The following PPARGC1B variants were observed in gnomAD, a reference collection of about 807,000 sequenced individuals.
PPARGC1B encodes peroxisome proliferator-activated receptor gamma coactivator 1-beta.
In PPARGC1B, 34 loss-of-function variants were observed where a neutral mutation model predicts 101.6. The observed-to-expected ratio is 0.33, with a 90% CI of 0.25 to 0.45. The LOEUF is 0.45. PPARGC1B is among the 20% of genes least tolerant of loss of function. The probability of loss-of-function intolerance (pLI) is 1.00; values close to 1 mark genes in which losing one functional copy is unlikely to be tolerated. For missense variants in PPARGC1B, 1,234 were observed against 1,317.6 expected, an observed-to-expected ratio of 0.94 and a Z score of 0.98; for synonymous variants, 548 against 539.3, an observed-to-expected ratio of 1.02 and a Z score of -0.22.
chr5:149,820,659 C>A, intron 2 of PPARGC1B, 53 bp downstream of exon 2: 2 of 1,545,172 alleles, frequency 1.3e-6, no homozygotes, highest in East Asian at 2.3e-5. Flanking sequence ...TCTCTCTCCT[C>A]AAAATCCCGG....
At chr5:149,824,614 G>T (rs560766420) in intron 2 of PPARGC1B, among the ~76,000 whole-genome samples, 2 of 152,172 alleles carry the variant, frequency 1.3e-5, no homozygotes, top group African/African-American at 2.4e-5. Flanking sequence ...AAGAGTGGTC[G>T]CTGAGGCCCA....
At chr5:149,830,142 C>T (rs772108993) in intron 3 of PPARGC1B, among the ~76,000 whole-genome samples, 2 of 150,600 alleles carry the variant, frequency 1.3e-5, no homozygotes, top group African/African-American at 4.9e-5. Flanking sequence ...ATAGGTTCAC[C>T]GAAAAGTAGT....
chr5:149,731,016 C>T (rs1754442005), intron 1 of PPARGC1B, among the ~76,000 whole-genome samples: 1 of 152,242 alleles, frequency 6.6e-6, no homozygotes, highest in South Asian at 2.1e-4. Context: ...CAGCGTCTTC[C>T]TGGTTTCGCT....
intron 1 of PPARGC1B, among the ~76,000 whole-genome samples, chr5:149,751,479 G>A (rs1278502592): frequency 1.3e-5 from 2 of 152,174 alleles, no homozygotes; most frequent in African/African-American, 4.8e-5. Flanking sequence ...GCCAAGGCGG[G>A]CGGATCACCT....
At chr5:149,738,346 T>C (rs913408237) in intron 1 of PPARGC1B, among the ~76,000 whole-genome samples, 3 of 152,234 alleles carry the variant, frequency 2.0e-5, no homozygotes, top group African/African-American at 7.2e-5. Flanking sequence ...CCACAGTGAA[T>C]AGATCCGTGC....
rs529048825 is a variant in PPARGC1B at position 149,770,583 on chromosome 5, G to A, written c.78+40163G>A. Among the ~76,000 whole-genome samples the A allele has an allele frequency of 1.3e-4, 20 of 152,220 alleles. 1 individual carries two copies. The South Asian group carries it at 4.2e-3, about 32-fold the overall frequency. ...TAGTAGGACCTTCCTTTTCTCCCAA[G>A]GGTTGTGATAAGAATAAAATCAGGA... On this transcript the variant is annotated intron_variant, in intron 1 of 11. Transcript: ENST00000309241.
chr5:149,852,003 G>C lies in PPARGC1B; in HGVS notation c.*4445G>C, dbSNP rs1482048873. The stretch of plus-strand genomic sequence containing the variant: ...AGTGATCTTCTAGAGACTGGGACAG[G>C]GAGTTTGGGAATGGGGCTGCTGTCA... On this transcript the variant is annotated 3_prime_UTR_variant, in exon 12 of 12. Coordinates refer to ENST00000309241, the MANE Select transcript of PPARGC1B (RefSeq NM_133263.4). The C allele has an allele frequency of 1.3e-5, 2 of 152,330 alleles. No individual in the cohort carries two copies. The highest frequency in any genetic ancestry group is 2.9e-5 in the Non-Finnish European group (2 of 68,116). The allele number at this position is 152,330 out of a possible 1,614,324, so 9.4% of individuals were successfully genotyped here.
chr5:149,737,747 G>T (rs557489689), intron 1 of PPARGC1B, among the ~76,000 whole-genome samples: 1 of 152,148 alleles, frequency 6.6e-6, no homozygotes, highest in Non-Finnish European at 1.5e-5. Flanking sequence ...TAATCCCAGC[G>T]CTTTGGGAGG....
At chr5:149,751,709 GAA>G (rs571988950) in intron 1 of PPARGC1B, among the ~76,000 whole-genome samples, 14 of 107,866 alleles carry the variant, frequency 1.3e-4, no homozygotes, top group African/African-American at 3.6e-4. Flanking sequence ...CTGTCCAAAA[GAA>G]AAAAAAAAAA....
intron 1 of PPARGC1B, among the ~76,000 whole-genome samples, chr5:149,784,728 C>T (rs997867685): frequency 1.6e-4 from 25 of 152,034 alleles, no homozygotes; most frequent in African/African-American, 4.8e-5. Flanking sequence ...CCACCACGCC[C>T]GGCTAATTTT....
In PPARGC1B at chr5:149,836,677, G is replaced by A; in HGVS notation, c.2222G>A (p.Arg741Lys). The change falls in exon 8 of 12, where the codon AGA becomes AAA. Residue 741 changes from arginine to lysine, a missense_variant. By Grantham distance (26) the Arg-to-Lys change is conservative. Transcript: ENST00000309241. ...EAQAPGREED[R>K]SCDAGAPPKD... ...CAGGCCCCTGGCAGGGAGGAAGACA[G>A]AAGCTGTGATGCTGGCGCCCCACCC... 1 of 1,613,798 alleles carries A rather than the reference G, an allele frequency of 6.2e-7. No homozygotes were observed. The highest frequency in any genetic ancestry group is 8.5e-7 in the Non-Finnish European group (1 of 1,180,018).
intron 1 of PPARGC1B, among the ~76,000 whole-genome samples, chr5:149,790,116 G>T (rs888110904): frequency 1.3e-5 from 2 of 152,178 alleles, no homozygotes. Context: ...TGCCTACTGT[G>T]TAGGATTATT....
chr5:149,785,934 T>G (rs6878832), intron 1 of PPARGC1B, among the ~76,000 whole-genome samples: 30,904 of 148,944 alleles, frequency 0.21, 3,174 homozygotes, highest in East Asian at 0.35. Context: ...TTTTTTTTCT[T>G]TTTTTGAGAC....
chr5:149,766,891 T>C (rs779955694), intron 1 of PPARGC1B, among the ~76,000 whole-genome samples: 11 of 152,190 alleles, frequency 7.2e-5, no homozygotes, highest in Non-Finnish European at 1.0e-4. Context: ...CTGCTTGCAC[T>C]TTGAGAACCT....
intron 1 of PPARGC1B, among the ~76,000 whole-genome samples, chr5:149,736,367 CTTT>C (rs78624741): frequency 7.0e-6 from 1 of 143,092 alleles, no homozygotes; most frequent in Non-Finnish European, 1.5e-5. Context: ...TGCATGCAAT[CTTT>C]TTTTTTTTTT....
rs1759145915 is a variant in PPARGC1B at position 149,837,356 on chromosome 5, T to C, written c.2618+283T>C. On this transcript the variant is annotated intron_variant, in intron 8 of 11. Coordinates refer to ENST00000309241, the MANE Select transcript of PPARGC1B (RefSeq NM_133263.4). The surrounding 1 kb of genome is among the most constrained non-coding windows in gnomAD (Gnocchi z 4.2). ...AACCCACTCCTGGCTATTTGTGGGC[T>C]TACGTCTATAAAGGAACTTGTCCCT... is the stretch of plus-strand genomic sequence containing the variant. 6.6e-6 allele frequency among the ~76,000 whole-genome samples: 1 copy of C among 152,240 alleles called. No homozygotes were observed. Among genetic ancestry groups the C allele is most frequent in the Admixed American group, 6.5e-5 (1 of 15,282 alleles).
Position 149,837,165 on chromosome 5 carries a change from A to C in PPARGC1B, c.2618+92A>C. The C allele has an allele frequency of 6.6e-7, 1 of 1,504,356 alleles. No homozygotes were observed. The allele number at this position is 1,504,356 out of a possible 1,614,324, so 93.2% of individuals were successfully genotyped here. A position where few individuals can be genotyped will look rare whatever the true frequency, so the allele number is the denominator to read the frequency against. ...GCCCCAGGAGGGAGGATCCCTGGGA[A>C]GCTTGCTCTGAAACTGAGGCTGCAT... On this transcript the variant is annotated intron_variant, in intron 8 of 11. Transcript: ENST00000309241. This position sits in a 1 kb window ranked among gnomAD's most constrained non-coding sequence, Gnocchi z 4.2.
intron 1 of PPARGC1B, chr5:149,732,931 G>A (rs775835360): frequency 1.6e-5 from 6 of 375,744 alleles, no homozygotes; most frequent in Non-Finnish European, 2.8e-5. Flanking sequence ...GGGTGACCCC[G>A]GAGCAAGCCA....
rs147739791 is a variant in PPARGC1B at position 149,833,187 on chromosome 5, C to T, written c.1114C>T (p.Arg372Trp). The T allele has an allele frequency of 1.1e-4, 175 of 1,613,384 alleles. 1 individual carries two copies. In the African/African-American group the frequency reaches 1.9e-3, roughly 18 times the overall value. ...ATPVYASLTP[R>W]SRPRPPKDSQ... The stretch of plus-strand genomic sequence containing the variant: ...GCCTGTTTATGCCTCCCTCACACCT[C>T]GGTCAAGGCCCAGGCCCCCCAAAGA... Residue 372 changes from arginine to tryptophan, a missense_variant, in exon 5 of 12, where the codon CGG becomes TGG. Coordinates refer to ENST00000309241, the MANE Select transcript of PPARGC1B (RefSeq NM_133263.4). This position sits in a 1 kb window ranked among gnomAD's most constrained non-coding sequence, Gnocchi z 4.1.
Sources: allele counts gnomAD v4.1 joint callset (sites outside exome capture counted in the v4.1 genomes callset), GRCh38; gene constraint gnomAD v4.1.1; non-coding constraint Gnocchi (gnomAD v3.1); transcripts MANE v1.5; gene names NCBI Gene and HGNC (gene_info 2026-07-23, HGNC 2026-07-21).